The following AGAP1 variants were observed in gnomAD, a reference collection of about 807,000 sequenced individuals.
The protein encoded by AGAP1 is ArfGAP with GTPase domain, ankyrin repeat and PH domain 1, also known as arf-GAP with GTPase, ANK repeat and PH domain-containing protein 1.
In AGAP1, 29 loss-of-function variants were observed where a neutral mutation model predicts 105.3. The ratio of observed to expected loss-of-function variants is 0.28; its 90% CI spans 0.21 to 0.38. AGAP1 has a LOEUF of 0.38. Among genes scored for constraint, AGAP1 ranks in the 10% least tolerant of loss-of-function variants. The probability of loss-of-function intolerance (pLI) is 1.00; values close to 1 mark genes in which losing one functional copy is unlikely to be tolerated. For synonymous variants in AGAP1, 509 were observed against 485.9 expected, an observed-to-expected ratio of 1.05 and a Z score of -0.63; for missense variants, 998 against 1,165.1, an observed-to-expected ratio of 0.86 and a Z score of 2.09.
chr2:235,773,691 A>G (rs950027493), intron 6 of AGAP1, among the ~76,000 whole-genome samples: 8 of 152,284 alleles, frequency 5.3e-5, no homozygotes, highest in Admixed American at 4.6e-4. Context: ...ATTCATTAGA[A>G]ACAGTGGTTG....
intron 1 of AGAP1, among the ~76,000 whole-genome samples, chr2:235,589,189 GTT>G (rs1205771315): frequency 1.8e-5 from 1 of 54,924 alleles, no homozygotes; most frequent in Non-Finnish European, 4.3e-5. Context: ...ATAGCTTATT[GTT>G]TTGTTTTTTT....
intron 1 of AGAP1, among the ~76,000 whole-genome samples, chr2:235,676,615 G>A (rs1341687254): frequency 6.6e-6 from 1 of 152,218 alleles, no homozygotes. Context: ...AGATCCTTAT[G>A]ACTAATGCCA....
At chr2:235,896,349 G>A (rs1021365784) in intron 10 of AGAP1, among the ~76,000 whole-genome samples, 1 of 152,198 alleles carries the variant, frequency 6.6e-6, no homozygotes. Flanking sequence ...TCCATGGATG[G>A]ACACTTGCTT....
chr2:235,518,339 C>A (rs1942480602), intron 1 of AGAP1, among the ~76,000 whole-genome samples: 1 of 152,224 alleles, frequency 6.6e-6, no homozygotes, highest in Admixed American at 6.5e-5. Context: ...TGACAGTGAT[C>A]TCTGAATGCT....
rs1000105763 is a variant in AGAP1, at chr2:235,551,224, A to C, written c.163+56375A>C. Among the ~76,000 whole-genome samples the C allele has an allele frequency of 3.9e-5, 6 of 152,030 alleles. No homozygotes were observed. Among genetic ancestry groups the C allele is most frequent in the African/African-American group, 1.4e-4 (6 of 41,410 alleles). On this transcript the variant is annotated intron_variant, in intron 1 of 17. Coordinates refer to ENST00000304032, the MANE Select transcript of AGAP1 (RefSeq NM_001037131.3). This position sits in a 1 kb window ranked among gnomAD's most constrained non-coding sequence, Gnocchi z 4.8. ...CACCCGGGAAAGGTCTTCATGTCTC[A>C]CTTGTATGCCTTCTTGGATCAGGAT...
intron 11 of AGAP1, among the ~76,000 whole-genome samples, chr2:235,913,035 A>G (rs1396817244): frequency 6.6e-6 from 1 of 152,154 alleles, no homozygotes; most frequent in Non-Finnish European, 1.5e-5. Flanking sequence ...TATATTTTGC[A>G]GGTATTTCCC....
intron 1 of AGAP1, among the ~76,000 whole-genome samples, chr2:235,652,724 T>A (rs905840877): frequency 2.6e-5 from 4 of 151,308 alleles, no homozygotes; most frequent in African/African-American, 9.8e-5. Flanking sequence ...AAACCCCATC[T>A]CCCTTAAAAA....
chr2:235,573,088 CT>C lies in AGAP1; in HGVS notation c.163+78242del, dbSNP rs57556694. Among the ~76,000 whole-genome samples the C allele has an allele frequency of 1.1e-3, 131 of 116,138 alleles. 4 individuals are homozygous for C. The highest frequency in any genetic ancestry group is 2.5e-3 in the South Asian group (9 of 3,644). The allele number at this position is 116,138 out of a possible 152,430, so 76.2% of individuals were successfully genotyped here. On this transcript the variant is annotated intron_variant, in intron 1 of 17. Transcript: ENST00000304032. ...TCTTCTTTCTTCTTTCTTCTTTCTT[CT>C]TTCTTCTTCTTCTTCCTTTTTTTTT...
chr2:235,641,396 G>A (rs1379814098), intron 1 of AGAP1, among the ~76,000 whole-genome samples: 5 of 125,576 alleles, frequency 4.0e-5, no homozygotes, highest in Admixed American at 8.6e-5. Flanking sequence ...AGGGTAATTT[G>A]TGATTTAAAA....
chr2:235,884,095 T>G (rs1309850629), intron 10 of AGAP1, among the ~76,000 whole-genome samples: 1 of 152,244 alleles, frequency 6.6e-6, no homozygotes. Flanking sequence ...TGATAAAATT[T>G]AAAGTTGGGG....
rs2051308309 is a variant in AGAP1 at position 235,906,406 on chromosome 2, C to T, written c.1156-2332C>T. Among the ~76,000 whole-genome samples the T allele has an allele frequency of 1.3e-5, 2 of 152,166 alleles. No individual in the cohort carries two copies. The highest frequency in any genetic ancestry group is 2.4e-5 in the African/African-American group (1 of 41,436). On this transcript the variant is annotated intron_variant, in intron 10 of 17. Transcript: ENST00000304032. This position sits in a 1 kb window ranked among gnomAD's most constrained non-coding sequence, Gnocchi z 5.3. The stretch of plus-strand genomic sequence containing the variant: ...TGGTGTTTTGAGCTTTCTGTCTGCA[C>T]CAAGACTTCCGTCCTCAGGGGTCAC...
At position 236,121,413 on chromosome 2, in the gene AGAP1, G is replaced by C. The variant is rs977993671; in HGVS notation, c.2370+966G>C. Among the ~76,000 whole-genome samples the C allele has an allele frequency of 6.6e-6, 1 of 152,136 alleles. No homozygotes were observed. The highest frequency in any genetic ancestry group is 1.5e-5 in the Non-Finnish European group (1 of 68,014). On this transcript the variant is annotated intron_variant, in intron 17 of 17. Transcript: ENST00000304032. The surrounding 1 kb of genome is among the most constrained non-coding windows in gnomAD (Gnocchi z 4.9). ...CCTCCCAGGTTCAAGCAATTCTCCT[G>C]CCTCAGCCTCCCAGGAAGCTGGGAT...
Position 235,801,532 on chromosome 2 carries a change from T to C in AGAP1, c.957+2010T>C, listed in dbSNP as rs1419647796. 6.6e-6 allele frequency among the ~76,000 whole-genome samples: 1 copy of C among 151,664 alleles called. No homozygotes were observed. Among genetic ancestry groups the C allele is most frequent in the Non-Finnish European group, 1.5e-5 (1 of 67,936 alleles). On this transcript the variant is annotated intron_variant, in intron 8 of 17. Coordinates refer to ENST00000304032, the MANE Select transcript of AGAP1 (RefSeq NM_001037131.3). The surrounding 1 kb of genome is among the most constrained non-coding windows in gnomAD (Gnocchi z 6.0). ...TCACACACACCGAGAACAGCAGCAG[T>C]CACCTAAATAGCTGCTTCCCAGCTC... is the stretch of plus-strand genomic sequence containing the variant.
rs1194228991 is a variant in AGAP1 at position 235,566,338 on chromosome 2, G to A, written c.163+71489G>A. Reference sequence around the variant, plus strand: ...ACTGCCTTGGCCTCCTAAAGTGTTGGGATTACAGATATAAGCCATCACGCC... The same window carrying A: ...ACTGCCTTGGCCTCCTAAAGTGTTGAGATTACAGATATAAGCCATCACGCC... On this transcript the variant is annotated intron_variant, in intron 1 of 17. Coordinates refer to ENST00000304032, the MANE Select transcript of AGAP1 (RefSeq NM_001037131.3). The surrounding 1 kb of genome is among the most constrained non-coding windows in gnomAD (Gnocchi z 5.2). Among the ~76,000 whole-genome samples, 1 of 152,054 alleles carries A rather than the reference G, an allele frequency of 6.6e-6. No individual in the cohort carries two copies. Among genetic ancestry groups the A allele is most frequent in the Non-Finnish European group, 1.5e-5 (1 of 68,014 alleles).
chr2:235,783,286 C>A, intron 6 of AGAP1: 2 of 465,210 alleles, frequency 4.3e-6, no homozygotes, highest in Non-Finnish European at 8.9e-6. Flanking sequence ...TCATTATAAC[C>A]TTTTACCTAT....
At chr2:235,704,642 C>T (rs1285191106) in intron 1 of AGAP1, among the ~76,000 whole-genome samples, 1 of 152,230 alleles carries the variant, frequency 6.6e-6, no homozygotes, top group African/African-American at 2.4e-5. Flanking sequence ...GAGACTCCGT[C>T]TCAAAAAAGA....
chr2:236,064,423 T>C (rs1304718934), intron 16 of AGAP1, among the ~76,000 whole-genome samples: 2 of 151,912 alleles, frequency 1.3e-5, no homozygotes, highest in Non-Finnish European at 2.9e-5. Context: ...AAATCCTGTC[T>C]GTACTAAAAA....
intron 1 of AGAP1, among the ~76,000 whole-genome samples, chr2:235,540,589 G>T (rs892581779): frequency 1.3e-5 from 2 of 152,212 alleles, no homozygotes; most frequent in African/African-American, 2.4e-5. Flanking sequence ...CTCCCTCCCT[G>T]GGTGCTTTCT....
At position 235,752,482 on chromosome 2, in the gene AGAP1, A is replaced by T. The variant is rs1953527182; in HGVS notation, c.673+1994A>T. ...GCATGAGCCACCGCGCCTGGCTGTA[A>T]ATAGACTTTTCATGACGCAGAGCCA... On this transcript the variant is annotated intron_variant, in intron 6 of 17. Transcript: ENST00000304032. This position sits in a 1 kb window ranked among gnomAD's most constrained non-coding sequence, Gnocchi z 4.3. Among the ~76,000 whole-genome samples the T allele has an allele frequency of 6.6e-6, 1 of 152,132 alleles. No individual in the cohort carries two copies. The highest frequency in any genetic ancestry group is 1.5e-5 in the Non-Finnish European group (1 of 68,032).
Sources: allele counts gnomAD v4.1 joint callset (sites outside exome capture counted in the v4.1 genomes callset), GRCh38; gene constraint gnomAD v4.1.1; non-coding constraint Gnocchi (gnomAD v3.1); transcripts MANE v1.5; gene names NCBI Gene and HGNC (gene_info 2026-07-23, HGNC 2026-07-21).